DNAJC1: variants seen among roughly 807,000 people sequenced by gnomAD.
The protein encoded by DNAJC1 is dnaJ homolog subfamily C member 1.
DNAJC1 carries 58 observed loss-of-function variants against 76.6 expected under a neutral mutation model. That is an observed-to-expected ratio of 0.76 (90% CI 0.61 to 0.94). The LOEUF is 0.94. Among genes scored for constraint, DNAJC1 ranks in the 40% least tolerant of loss-of-function variants. The pLI is 0.00. For missense variants in DNAJC1, 689 were observed against 677.3 expected, an observed-to-expected ratio of 1.02 and a Z score of -0.19; for synonymous variants, 258 against 267.9, an observed-to-expected ratio of 0.96 and a Z score of 0.36.
At chr10:21,933,568 T>C (rs1328802717) in intron 1 of DNAJC1, 1 of 152,156 alleles carries the variant, frequency 6.6e-6, no homozygotes, top group Admixed American at 6.5e-5. Flanking sequence ...AAGCAGAAAC[T>C]GAAGCTAAGA....
chr10:21,819,841 A>C (rs1347003480), intron 8 of DNAJC1, among the ~76,000 whole-genome samples: 1 of 152,100 alleles, frequency 6.6e-6, no homozygotes, highest in East Asian at 1.9e-4. Context: ...GAGGCAAGAG[A>C]ATCGCTTGAG....
chr10:21,832,357 C>G (rs1300609585), intron 8 of DNAJC1, among the ~76,000 whole-genome samples: 1 of 152,152 alleles, frequency 6.6e-6, no homozygotes, highest in African/African-American at 2.4e-5. Flanking sequence ...TCAAGGTCCC[C>G]AGTAGTTACA....
chr10:21,807,770 T>C (rs1294547654), intron 8 of DNAJC1, among the ~76,000 whole-genome samples: 8 of 152,226 alleles, frequency 5.3e-5, no homozygotes, highest in South Asian at 2.1e-4. Flanking sequence ...AATTCACTTA[T>C]ATAAAAAGGT....
At chr10:21,961,326 T>C (rs1837787244) in intron 1 of DNAJC1, among the ~76,000 whole-genome samples, 2 of 152,304 alleles carry the variant, frequency 1.3e-5, no homozygotes, top group South Asian at 4.1e-4. Flanking sequence ...GCAACCCAAA[T>C]GTTCATCAAC....
At position 21,908,258 on chromosome 10, in the gene DNAJC1, T is replaced by A. The variant is rs867213646; in HGVS notation, c.730-3646A>T. On this transcript the variant is annotated intron_variant, in intron 6 of 11. Coordinates refer to ENST00000376980, the MANE Select transcript of DNAJC1 (RefSeq NM_022365.4). ...AAATATATATAATATAGAGAAAATA[T>A]ATATATATATTTTATATATATATAT... is the stretch of plus-strand genomic sequence containing the variant. Among the ~76,000 whole-genome samples, 305 of 110,474 alleles carry A rather than the reference T, an allele frequency of 2.8e-3. 16 individuals carry two copies. The highest frequency in any genetic ancestry group is 9.8e-3 in the African/African-American group (281 of 28,802). The allele number at this position is 110,474 out of a possible 152,430, so 72.5% of individuals were successfully genotyped here. A position where few individuals can be genotyped will look rare whatever the true frequency, so the allele number is the denominator to read the frequency against.
chr10:21,766,211 T>C, intron 10 of DNAJC1, 50 bp downstream of exon 10: 1 of 1,352,580 alleles, frequency 7.4e-7, no homozygotes. Context: ...AAGGGATTAA[T>C]TTAGAAGAAA....
At position 21,759,389 on chromosome 10, in the gene DNAJC1, T is replaced by C. The variant is rs1834214301; in HGVS notation, c.1377A>G (p.Pro459=). Residue 459 remains proline (P), a synonymous_variant, in exon 11 of 12, where the codon CCA becomes CCG. Transcript: ENST00000376980. ...GCCGCTTGGCTCTGGACTTCTCCTC[T>C]GGCTCCGGCTTCGCTGTAGCCTCCA... ...RLLEATAKPE[P]EEKSRAKRQK... 1.2e-6 allele frequency: 2 copies of C among 1,614,106 alleles called. No individual in the cohort carries two copies.
chr10:21,975,300 GA>G (rs1224727821), intron 1 of DNAJC1, among the ~76,000 whole-genome samples: 1 of 151,338 alleles, frequency 6.6e-6, no homozygotes, highest in Admixed American at 6.6e-5. Context: ...ATGAATATGA[GA>G]AAAAAATAAG....
chr10:21,771,195 G>A (rs1373000855), intron 9 of DNAJC1, among the ~76,000 whole-genome samples: 2 of 151,938 alleles, frequency 1.3e-5, no homozygotes, highest in African/African-American at 4.8e-5. Flanking sequence ...TTTTTTTAGT[G>A]CATTTCTCAA....
chr10:21,868,566 C>G (rs1197282366), intron 8 of DNAJC1, among the ~76,000 whole-genome samples: 1 of 152,040 alleles, frequency 6.6e-6, no homozygotes, highest in Non-Finnish European at 1.5e-5. Flanking sequence ...AAAAGTTGAT[C>G]TCAAGAGGTC....
At chr10:21,803,775 C>T (rs1349401165) in intron 9 of DNAJC1, 3 of 910,080 alleles carry the variant, frequency 3.3e-6, no homozygotes, top group African/African-American at 3.6e-5. Context: ...GTTATAATGG[C>T]ATTTTTTTGT....
chr10:21,853,996 A>G (rs556199321), intron 8 of DNAJC1, among the ~76,000 whole-genome samples: 13 of 152,068 alleles, frequency 8.5e-5, no homozygotes, highest in Non-Finnish European at 1.8e-4. Context: ...CATAAAGGAT[A>G]AGAACATGTA....
intron 7 of DNAJC1, among the ~76,000 whole-genome samples, chr10:21,897,636 T>G (rs978474057): frequency 6.6e-6 from 1 of 152,200 alleles, no homozygotes; most frequent in Non-Finnish European, 1.5e-5. Flanking sequence ...AACTACAGTT[T>G]CATTACAAAA....
chr10:21,974,011 A>C (rs1838024392), intron 1 of DNAJC1, among the ~76,000 whole-genome samples: 1 of 151,580 alleles, frequency 6.6e-6, no homozygotes, highest in African/African-American at 2.4e-5. Flanking sequence ...CTGAGGCAGG[A>C]GAATCACTTG....
chr10:21,813,016 T>TACAC lies in DNAJC1; in HGVS notation c.979-6921_979-6918dup, dbSNP rs1471089277. On this transcript the variant is annotated intron_variant, in intron 8 of 11. Coordinates refer to ENST00000376980, the MANE Select transcript of DNAJC1 (RefSeq NM_022365.4). ...CCAAGGATAAATGATAAAAGACATA[T>TACAC]ACACACACATACACACACACACACA... Among the ~76,000 whole-genome samples, 216 of 82,300 alleles carry TACAC rather than the reference T, an allele frequency of 2.6e-3. 2 individuals are homozygous for TACAC. The highest frequency in any genetic ancestry group is 9.7e-3 in the South Asian group (20 of 2,064). 54.0% of individuals were successfully genotyped at this position (82,300 alleles called of 152,430 possible).
In DNAJC1 at chr10:21,920,787, C is replaced by T; in HGVS notation, c.537+11G>A. The T allele has an allele frequency of 6.2e-7, 1 of 1,600,234 alleles. No homozygotes were observed. The highest frequency in any genetic ancestry group is 8.5e-7 in the Non-Finnish European group (1 of 1,172,686). On this transcript the variant is annotated intron_variant, in intron 4 of 11. Coordinates refer to ENST00000376980, the MANE Select transcript of DNAJC1 (RefSeq NM_022365.4). Reference sequence around the variant, plus strand: ...GGAGGCTAGTTCATTTGATTTATTACTAACACTTACCAGTTGTTTTTCCAG... The same window carrying T: ...GGAGGCTAGTTCATTTGATTTATTATTAACACTTACCAGTTGTTTTTCCAG...
chr10:21,789,461 G>A (rs1227302324), intron 9 of DNAJC1, among the ~76,000 whole-genome samples: 7 of 152,004 alleles, frequency 4.6e-5, no homozygotes, highest in African/African-American at 1.7e-4. Flanking sequence ...CAAGAAATAT[G>A]AAAATCAAGG....
chr10:21,986,151 C>T (rs1323284112), intron 1 of DNAJC1, among the ~76,000 whole-genome samples: 12 of 151,942 alleles, frequency 7.9e-5, no homozygotes, highest in Admixed American at 6.5e-4. Context: ...GGCGTGAACC[C>T]GGGAGGCGGA....
At chr10:21,940,106 T>A (rs1837381775) in intron 1 of DNAJC1, among the ~76,000 whole-genome samples, 2 of 152,082 alleles carry the variant, frequency 1.3e-5, no homozygotes, top group Admixed American at 6.5e-5. Context: ...CATCACAGTA[T>A]CTTCAGGATT....
Sources: gnomAD v4.1 joint callset for allele counts (sites outside exome capture counted in the v4.1 genomes callset) on GRCh38, gnomAD v4.1.1 for gene constraint, MANE v1.5 for transcripts, NCBI Gene and HGNC (gene_info 2026-07-23, HGNC 2026-07-21) for gene names.